The following PCDHA3 variants were observed in gnomAD, a reference collection of about 807,000 sequenced individuals.
The protein encoded by PCDHA3 is protocadherin alpha 3.
Under a neutral mutation model 62.2 loss-of-function variants are expected in PCDHA3, and 41 were observed. That is an observed-to-expected ratio of 0.66 (90% CI 0.51 to 0.86). The LOEUF (loss-of-function observed/expected upper bound fraction) is 0.86, where lower values mean the gene tolerates loss of function less well. Among genes scored for constraint, PCDHA3 ranks in the 40% least tolerant of loss-of-function variants. The probability of loss-of-function intolerance (pLI) is 0.00; values close to 1 mark genes in which losing one functional copy is unlikely to be tolerated. For missense variants in PCDHA3, 1,304 were observed against 1,241.2 expected (o/e 1.05, Z -0.76); for synonymous variants, 640 against 555.4 (o/e 1.15, Z -2.14).
At chr5:140,843,618 A>C in intron 1 of PCDHA3, 1 of 1,596,148 alleles carries the variant, frequency 6.3e-7, no homozygotes, top group South Asian at 1.1e-5. Context: ...GGGCCACCGA[A>C]GACGGACCTC....
chr5:140,965,648 GA>G (rs2095919572), intron 1 of PCDHA3, among the ~76,000 whole-genome samples: 1 of 152,128 alleles, frequency 6.6e-6, no homozygotes, highest in Non-Finnish European at 1.5e-5. Context: ...ACTCTTGAAA[GA>G]AAATGTCTTG....
At chr5:140,944,995 T>A (rs246062) in intron 1 of PCDHA3, among the ~76,000 whole-genome samples, 85,717 of 151,900 alleles carry the variant, frequency 0.56, 24,795 homozygotes, top group African/African-American at 0.69. Flanking sequence ...TCTGTAACGG[T>A]TGTGGGTCAT....
chr5:140,953,267 C>G (rs902465304), intron 1 of PCDHA3, among the ~76,000 whole-genome samples: 4 of 152,068 alleles, frequency 2.6e-5, no homozygotes, highest in African/African-American at 4.8e-5. Flanking sequence ...TTAGCTTTAG[C>G]CTTTGCTCTT....
chr5:140,922,577 T>A (rs155818), intron 1 of PCDHA3, among the ~76,000 whole-genome samples: 2 of 152,016 alleles, frequency 1.3e-5, no homozygotes, highest in East Asian at 1.9e-4. Flanking sequence ...AGTTGCCCTG[T>A]AGCCGCCAGT....
At chr5:140,845,025 G>A (rs1779666608) in intron 1 of PCDHA3, among the ~76,000 whole-genome samples, 1 of 149,154 alleles carries the variant, frequency 6.7e-6, no homozygotes, top group African/African-American at 2.5e-5. Flanking sequence ...TCATTTATGG[G>A]CATATTTTAG....
intron 1 of PCDHA3, among the ~76,000 whole-genome samples, chr5:140,899,260 T>A (rs2153463432): frequency 6.6e-6 from 1 of 152,272 alleles, no homozygotes; most frequent in South Asian, 2.1e-4. Context: ...GGCATCCCTG[T>A]CTTGTGGCAG....
At chr5:140,883,511 C>A in intron 1 of PCDHA3, 2 of 1,614,186 alleles carry the variant, frequency 1.2e-6, no homozygotes, top group Middle Eastern at 1.7e-4. Context: ...CGCCCTGGAC[C>A]GCGAGAGCGT....
intron 1 of PCDHA3, among the ~76,000 whole-genome samples, chr5:140,976,378 C>T (rs908008970): frequency 6.6e-6 from 1 of 151,926 alleles, no homozygotes; most frequent in Admixed American, 6.6e-5. Context: ...TGGTGAAACC[C>T]CATCTCTACT....
At chr5:140,806,259 G>A (rs1043589600) in intron 1 of PCDHA3, among the ~76,000 whole-genome samples, 1 of 152,104 alleles carries the variant, frequency 6.6e-6, no homozygotes, top group Non-Finnish European at 1.5e-5. Context: ...ATTGGAAGCA[G>A]GAAATATTCA....
chr5:140,806,509 A>C (rs1287650041), intron 1 of PCDHA3, among the ~76,000 whole-genome samples: 1 of 152,184 alleles, frequency 6.6e-6, no homozygotes, highest in Non-Finnish European at 1.5e-5. Flanking sequence ...GAAGACATCT[A>C]ATTAAATGCT....
At chr5:140,828,005 G>A in intron 1 of PCDHA3, 1 of 1,502,916 alleles carries the variant, frequency 6.7e-7, no homozygotes, top group Non-Finnish European at 8.9e-7. Flanking sequence ...GGACGCAGAA[G>A]AAATGGATTA....
chr5:140,867,041 C>G (rs188716908), intron 1 of PCDHA3: 1 of 152,078 alleles, frequency 6.6e-6, no homozygotes, highest in East Asian at 1.9e-4. Flanking sequence ...TATGACTTGG[C>G]GTTTGTTCAG....
At chr5:140,821,659 T>C in intron 1 of PCDHA3, 4 of 1,173,458 alleles carry the variant, frequency 3.4e-6, no homozygotes, top group Non-Finnish European at 4.8e-6. Context: ...TTTTTGGCTG[T>C]GCCAAGAAGC....
chr5:140,846,963 T>C (rs1458103794), intron 1 of PCDHA3, among the ~76,000 whole-genome samples: 3 of 149,600 alleles, frequency 2.0e-5, no homozygotes, highest in African/African-American at 7.3e-5. Context: ...TGTGTTTCAG[T>C]GGTTTTAAAA....
At chr5:140,975,511 A>T (rs1236558069) in intron 1 of PCDHA3, among the ~76,000 whole-genome samples, 2 of 152,212 alleles carry the variant, frequency 1.3e-5, no homozygotes, top group African/African-American at 4.8e-5. Flanking sequence ...CACTATGCAA[A>T]ATCTGCAGTG....
At chr5:140,869,721 G>A (rs1554163371) in intron 1 of PCDHA3, 2 of 1,613,340 alleles carry the variant, frequency 1.2e-6, no homozygotes, top group Non-Finnish European at 1.7e-6. Flanking sequence ...AGAAAACTCC[G>A]GAACTTAATT....
rs150544958 is a variant in PCDHA3, at chr5:140,940,065, T to C, written c.2395-38884T>C. ...TATTAGATTCTTAACCAAATATAAA[T>C]ATGTGATATCTTTCTGCTAAATTGA... On this transcript the variant is annotated intron_variant, in intron 1 of 3. Coordinates refer to ENST00000522353, the MANE Select transcript of PCDHA3 (RefSeq NM_018906.3). Among the ~76,000 whole-genome samples the C allele has an allele frequency of 2.1e-3, 313 of 152,364 alleles. 1 individual carries two copies. Among genetic ancestry groups the C allele is most frequent in the African/African-American group, 7.1e-3 (295 of 41,596 alleles).
At chr5:140,853,004 G>T (rs914027451) in intron 1 of PCDHA3, 1 of 289,800 alleles carries the variant, frequency 3.5e-6, no homozygotes, top group Non-Finnish European at 5.4e-6. Flanking sequence ...TCAGCCTCCC[G>T]AGTAGCTGGG....
In PCDHA3 at chr5:140,873,562, T is replaced by C. The variant is rs2054348263; in HGVS notation, c.2394+69971T>C. On this transcript the variant is annotated intron_variant, in intron 1 of 3. Coordinates refer to ENST00000522353, the MANE Select transcript of PCDHA3 (RefSeq NM_018906.3). ...AAAATTATAATTTCAATTTATTTTCTAGTTTGGTTGTTTAAGTATTAAGCT... is the reference window on the plus strand; with the variant it reads ...AAAATTATAATTTCAATTTATTTTCCAGTTTGGTTGTTTAAGTATTAAGCT... Among the ~76,000 whole-genome samples, 7 of 149,812 alleles carry C rather than the reference T, an allele frequency of 4.7e-5. No individual in the cohort carries two copies. In the South Asian group the frequency reaches 1.5e-3, roughly 31 times the overall value.
Sources: allele counts gnomAD v4.1 joint callset (sites outside exome capture counted in the v4.1 genomes callset), GRCh38; gene constraint gnomAD v4.1.1; transcripts MANE v1.5; gene names NCBI Gene and HGNC (gene_info 2026-07-23, HGNC 2026-07-21).